The following IL15 variants were observed in gnomAD, a reference collection of about 807,000 sequenced individuals.
IL15 encodes the protein interleukin 15, also known as interleukin-15.
A neutral mutation model predicts 19.6 loss-of-function variants in IL15; 11 were observed. The ratio of observed to expected loss-of-function variants is 0.56; its 90% confidence interval spans 0.35 to 0.93. The LOEUF is 0.93. IL15 is among the 40% of genes least tolerant of loss of function. The probability of loss-of-function intolerance (pLI) is 0.01; values close to 1 mark genes in which losing one functional copy is unlikely to be tolerated. For missense variants in IL15, 197 were observed against 186.5 expected (o/e 1.06, Z -0.33); for synonymous variants, 58 against 59.6 (o/e 0.97, Z 0.12).
chr4:141,721,338 T>A (rs1303117981), intron 4 of IL15, among the ~76,000 whole-genome samples: 1 of 151,920 alleles, frequency 6.6e-6, no homozygotes, highest in Non-Finnish European at 1.5e-5. Flanking sequence ...TTAATTTTTA[T>A]GAAATTTGTG....
rs561896041 is a variant in IL15 at position 141,719,497 on chromosome 4, A to C, written c.12+21A>C. ...TTTCGGTAAGAAAAAAAATAGATGA[A>C]AATATCCTATGGAATTTCCCTTAAA... On this transcript the variant is annotated intron_variant, in intron 3 of 7. Coordinates refer to ENST00000320650, the MANE Select transcript of IL15 (RefSeq NM_000585.5). 3 of 1,275,558 alleles carry C rather than the reference A, an allele frequency of 2.4e-6. No individual in the cohort carries two copies. In the South Asian group the frequency reaches 3.7e-5, roughly 16 times the overall value. 79.0% of individuals were successfully genotyped at this position (1,275,558 alleles called of 1,614,324 possible).
intron 1 of IL15, among the ~76,000 whole-genome samples, chr4:141,642,660 C>G (rs1279357925): frequency 1.3e-5 from 2 of 152,202 alleles, no homozygotes; most frequent in Non-Finnish European, 2.9e-5. Flanking sequence ...CACCTTGCCT[C>G]AGTGTCCAGA....
chr4:141,654,743 A>G (rs1041570553), intron 1 of IL15, among the ~76,000 whole-genome samples: 1 of 152,216 alleles, frequency 6.6e-6, no homozygotes, highest in African/African-American at 2.4e-5. Context: ...AGTATGTGTT[A>G]CTTAACTTGG....
At chr4:141,668,495 A>C (rs1277277196) in intron 2 of IL15, among the ~76,000 whole-genome samples, 2 of 152,130 alleles carry the variant, frequency 1.3e-5, no homozygotes, top group Non-Finnish European at 2.9e-5. Context: ...CTTTGTTGTC[A>C]CATTTGGTCG....
intron 2 of IL15, among the ~76,000 whole-genome samples, chr4:141,713,056 T>G (rs1388769748): frequency 6.6e-6 from 1 of 152,196 alleles, no homozygotes; most frequent in Admixed American, 6.5e-5. Flanking sequence ...AAAATCATTA[T>G]AGTAACCCAA....
intron 2 of IL15, among the ~76,000 whole-genome samples, chr4:141,660,877 T>A (rs1727763746): frequency 6.6e-6 from 1 of 152,190 alleles, no homozygotes; most frequent in Non-Finnish European, 1.5e-5. Context: ...ATTTTAATGG[T>A]GCTCTTATCC....
At chr4:141,704,982 A>G (rs1729458026) in intron 2 of IL15, among the ~76,000 whole-genome samples, 1 of 151,580 alleles carries the variant, frequency 6.6e-6, no homozygotes, top group South Asian at 2.1e-4. Flanking sequence ...GTTTTTTACC[A>G]TAGGTAAAGG....
intron 1 of IL15, among the ~76,000 whole-genome samples, chr4:141,653,787 C>A (rs1321399768): frequency 6.6e-6 from 1 of 152,094 alleles, no homozygotes; most frequent in East Asian, 1.9e-4. Context: ...GTAATTTCAA[C>A]ACTGATATTC....
At chr4:141,644,413 A>G (rs1330772335) in intron 1 of IL15, among the ~76,000 whole-genome samples, 1 of 152,166 alleles carries the variant, frequency 6.6e-6, no homozygotes, top group Non-Finnish European at 1.5e-5. Flanking sequence ...GAGATGAGAC[A>G]TTCAAGAAAG....
chr4:141,692,601 A>G (rs1728950443), intron 2 of IL15, among the ~76,000 whole-genome samples: 1 of 152,108 alleles, frequency 6.6e-6, no homozygotes, highest in South Asian at 2.1e-4. Context: ...ACCCTAAATC[A>G]ACTCTCTCAA....
chr4:141,667,286 A>G (rs991710159), intron 2 of IL15, among the ~76,000 whole-genome samples: 6 of 152,200 alleles, frequency 3.9e-5, no homozygotes, highest in South Asian at 4.1e-4. Context: ...CTGATTTATA[A>G]CTGATCGGTT....
chr4:141,724,892 G>A (rs1730209326), intron 5 of IL15, among the ~76,000 whole-genome samples: 1 of 152,004 alleles, frequency 6.6e-6, no homozygotes, highest in Non-Finnish European at 1.5e-5. Context: ...AACAACAATT[G>A]TACAGTCTCT....
intron 2 of IL15, among the ~76,000 whole-genome samples, chr4:141,682,002 T>A (rs1579014788): frequency 6.6e-6 from 1 of 152,196 alleles, no homozygotes; most frequent in Non-Finnish European, 1.5e-5. Flanking sequence ...TGCTGAGAAG[T>A]GATTTTTCTA....
chr4:141,670,092 T>A (rs973937684), intron 2 of IL15, among the ~76,000 whole-genome samples: 1 of 151,402 alleles, frequency 6.6e-6, no homozygotes, highest in African/African-American at 2.4e-5. Flanking sequence ...CAACTAGATA[T>A]AAAAATAGAT....
At chr4:141,643,685 T>G (rs997850560) in intron 1 of IL15, among the ~76,000 whole-genome samples, 2 of 152,096 alleles carry the variant, frequency 1.3e-5, no homozygotes, top group Non-Finnish European at 2.9e-5. Context: ...AACATGTAAA[T>G]ATAGCTGTCT....
chr4:141,702,524 G>T (rs998641548), intron 2 of IL15, among the ~76,000 whole-genome samples: 3 of 152,216 alleles, frequency 2.0e-5, no homozygotes, highest in African/African-American at 7.2e-5. Flanking sequence ...TTTCTTGAAT[G>T]CTGGTTATAC....
intron 2 of IL15, among the ~76,000 whole-genome samples, chr4:141,709,804 G>C (rs1729653191): frequency 6.6e-6 from 1 of 151,956 alleles, no homozygotes; most frequent in African/African-American, 2.4e-5. Context: ...GGGTGTATAT[G>C]TGCAGGTTGG....
chr4:141,638,827 G>A (rs116300144), intron 1 of IL15, among the ~76,000 whole-genome samples: 340 of 152,270 alleles, frequency 2.2e-3, no homozygotes, highest in African/African-American at 7.3e-3. Context: ...GAAAATATCC[G>A]TAACTTTGAT....
chr4:141,657,668 G>T (rs1727654727), intron 2 of IL15, among the ~76,000 whole-genome samples: 2 of 151,930 alleles, frequency 1.3e-5, no homozygotes, highest in South Asian at 4.1e-4. Context: ...ACAGAGTCAG[G>T]ATCATCAACA....
Sources: gnomAD v4.1 joint callset for allele counts (sites outside exome capture counted in the v4.1 genomes callset) on GRCh38, gnomAD v4.1.1 for gene constraint, MANE v1.5 for transcripts, NCBI Gene and HGNC (gene_info 2026-07-23, HGNC 2026-07-21) for gene names.